GLIS1: variants seen among roughly 807,000 people sequenced by gnomAD.
GLIS1 encodes GLIS family zinc finger 1.
In GLIS1, 24 loss-of-function variants were observed where a neutral mutation model predicts 63.8. The observed-to-expected ratio is 0.38, with a 90% CI of 0.27 to 0.53. GLIS1 has a LOEUF of 0.53. Among genes scored for constraint, GLIS1 ranks in the 20% least tolerant of loss-of-function variants. GLIS1 has a pLI of 0.85. For synonymous variants in GLIS1, 450 were observed against 482.5 expected, an observed-to-expected ratio of 0.93 and a Z score of 0.88; for missense variants, 1,036 against 1,074.1, an observed-to-expected ratio of 0.96 and a Z score of 0.50.
At chr1:53,645,863 C>T (rs997265720) in intron 2 of GLIS1, among the ~76,000 whole-genome samples, 6 of 152,164 alleles carry the variant, frequency 3.9e-5, no homozygotes, top group Non-Finnish European at 8.8e-5. Context: ...GCTGGGCTTT[C>T]GTGGTGTCTA....
chr1:53,712,218 T>C (rs11206205), intron 2 of GLIS1, among the ~76,000 whole-genome samples: 8,945 of 152,266 alleles, frequency 0.059, 516 homozygotes, highest in East Asian at 0.28. Flanking sequence ...CCTAAAGCAG[T>C]GCTTCTCAGG....
intron 2 of GLIS1, among the ~76,000 whole-genome samples, chr1:53,729,976 T>G (rs1031488618): frequency 6.6e-6 from 1 of 152,110 alleles, no homozygotes; most frequent in African/African-American, 2.4e-5. Flanking sequence ...TCCAGAGAGA[T>G]GGGGAGTGAG....
At chr1:53,661,277 C>A (rs1185017557) in intron 2 of GLIS1, among the ~76,000 whole-genome samples, 2 of 151,866 alleles carry the variant, frequency 1.3e-5, no homozygotes, top group Non-Finnish European at 2.9e-5. Context: ...GAGGAGGGGG[C>A]ACTTGAGCTG....
At chr1:53,590,980 G>A (rs977626044) in intron 4 of GLIS1, among the ~76,000 whole-genome samples, 2 of 152,242 alleles carry the variant, frequency 1.3e-5, no homozygotes, top group African/African-American at 4.8e-5. Context: ...GAGTGTTCCA[G>A]TGGGATGGGA....
intron 2 of GLIS1, among the ~76,000 whole-genome samples, chr1:53,615,776 C>G (rs528401242): frequency 6.6e-6 from 1 of 151,336 alleles, no homozygotes; most frequent in Non-Finnish European, 1.5e-5. Flanking sequence ...GAGACAGAGT[C>G]TTGCTCTGTT....
At position 53,514,458 on chromosome 1, in the gene GLIS1, T is replaced by C. The variant is rs557956607; in HGVS notation, c.1883+167A>G. On this transcript the variant is annotated intron_variant, in intron 8 of 10. Coordinates refer to ENST00000628545, the MANE Select transcript of GLIS1 (RefSeq NM_001367484.1). ...GTTACTGCAGGCACCAACGGAATCATGCACACAAAGTGTGTGGAATGCAGT... is the reference window on the plus strand; with the variant it reads ...GTTACTGCAGGCACCAACGGAATCACGCACACAAAGTGTGTGGAATGCAGT... 8.4e-4 allele frequency among the ~76,000 whole-genome samples: 128 copies of C among 152,252 alleles called. 1 individual carries two copies. In the South Asian group the frequency reaches 0.026, roughly 30 times the overall value.
chr1:53,642,548 G>C (rs757718575), intron 2 of GLIS1, among the ~76,000 whole-genome samples: 1 of 152,126 alleles, frequency 6.6e-6, no homozygotes, highest in Non-Finnish European at 1.5e-5. Flanking sequence ...GCTAATGAAC[G>C]CCTGTCTATC....
intron 4 of GLIS1, among the ~76,000 whole-genome samples, chr1:53,544,625 C>T (rs1644679685): frequency 6.6e-6 from 1 of 152,230 alleles, no homozygotes; most frequent in African/African-American, 2.4e-5. Context: ...CCTCTGGGGA[C>T]CCTCCAGCTG....
chr1:53,732,174 C>T (rs141482211), intron 2 of GLIS1, among the ~76,000 whole-genome samples: 3 of 152,338 alleles, frequency 2.0e-5, no homozygotes, highest in Admixed American at 6.5e-5. Context: ...AATGCTAACA[C>T]GATCCGCCTC....
chr1:53,685,543 G>A (rs954451214), intron 2 of GLIS1, among the ~76,000 whole-genome samples: 1 of 152,208 alleles, frequency 6.6e-6, no homozygotes, highest in Non-Finnish European at 1.5e-5. Context: ...AATCTGATTA[G>A]CAGGCTGACT....
At chr1:53,628,000 G>A (rs182916633) in intron 2 of GLIS1, among the ~76,000 whole-genome samples, 1 of 152,318 alleles carries the variant, frequency 6.6e-6, no homozygotes, top group Admixed American at 6.5e-5. Context: ...TAGGTGAAAA[G>A]GGAGGACCCC....
intron 2 of GLIS1, among the ~76,000 whole-genome samples, chr1:53,735,633 T>C (rs1204606243): frequency 6.6e-6 from 1 of 152,200 alleles, no homozygotes; most frequent in Non-Finnish European, 1.5e-5. Flanking sequence ...AGATCATAGA[T>C]GGTGGGGTCT....
intron 2 of GLIS1, among the ~76,000 whole-genome samples, chr1:53,605,022 C>T (rs544362185): frequency 1.2e-5 from 1 of 84,890 alleles, no homozygotes; most frequent in Non-Finnish European, 3.2e-5. Flanking sequence ...AAACAGATTG[C>T]TGGCTCCTAG....
chr1:53,735,285 C>G (rs1646901922), intron 2 of GLIS1, among the ~76,000 whole-genome samples: 1 of 152,212 alleles, frequency 6.6e-6, no homozygotes, highest in African/African-American at 2.4e-5. Context: ...CACTCTGTCC[C>G]CTTTATCTCA....
At chr1:53,663,548 G>A (rs1023467848) in intron 2 of GLIS1, among the ~76,000 whole-genome samples, 6 of 152,222 alleles carry the variant, frequency 3.9e-5, no homozygotes, top group African/African-American at 1.4e-4. Context: ...ATCCAGAGGG[G>A]AGAACCCCAA....
intron 4 of GLIS1, among the ~76,000 whole-genome samples, chr1:53,593,714 G>A (rs1645215984): frequency 6.6e-6 from 1 of 152,214 alleles, no homozygotes; most frequent in Admixed American, 6.5e-5. Flanking sequence ...CCCAGCGCTG[G>A]AGGAGAGTAT....
chr1:53,513,425 C>T (rs745418897), intron 8 of GLIS1, among the ~76,000 whole-genome samples: 36 of 152,180 alleles, frequency 2.4e-4, no homozygotes, highest in Non-Finnish European at 4.6e-4. Context: ...CTCCCAAGTT[C>T]GTCACCCCAC....
intron 2 of GLIS1, among the ~76,000 whole-genome samples, chr1:53,641,646 G>A (rs1436786177): frequency 6.6e-6 from 1 of 152,182 alleles, no homozygotes; most frequent in East Asian, 1.9e-4. Flanking sequence ...GGCACTTTGT[G>A]GATGATGGAG....
At chr1:53,631,279 C>G (rs1645649392) in intron 2 of GLIS1, among the ~76,000 whole-genome samples, 1 of 152,152 alleles carries the variant, frequency 6.6e-6, no homozygotes, top group African/African-American at 2.4e-5. Flanking sequence ...ACACTTAACT[C>G]CTGAATCCAT....
Sources: gnomAD v4.1 joint callset for allele counts (sites outside exome capture counted in the v4.1 genomes callset) on GRCh38, gnomAD v4.1.1 for gene constraint, MANE v1.5 for transcripts, NCBI Gene and HGNC (gene_info 2026-07-23, HGNC 2026-07-21) for gene names.